The following GABRG3 variants were observed in gnomAD, a reference collection of about 807,000 sequenced individuals.
GABRG3 encodes the protein gamma-aminobutyric acid receptor subunit gamma-3.
GABRG3 carries 25 observed loss-of-function variants against 48.8 expected under a neutral mutation model. The observed-to-expected ratio is 0.51, with a 90% CI of 0.37 to 0.72. The LOEUF is 0.72. Ranked by LOEUF, GABRG3 falls within the 30% of genes least tolerant of loss-of-function variation. The pLI, the probability that GABRG3 is intolerant of heterozygous loss-of-function variation, is 0.00. For missense variants in GABRG3, 394 were observed against 577.9 expected, an observed-to-expected ratio of 0.68 and a Z score of 3.26; for synonymous variants, 227 against 217.6, an observed-to-expected ratio of 1.04 and a Z score of -0.38.
chr15:27,234,909 C>T (rs528984093), intron 3 of GABRG3, among the ~76,000 whole-genome samples: 41 of 152,148 alleles, frequency 2.7e-4, no homozygotes, highest in African/African-American at 9.2e-4. Context: ...AGGTACCCAG[C>T]GTGAGGGAAA....
At chr15:27,185,987 ATCTG>A (rs1020245059) in intron 3 of GABRG3, among the ~76,000 whole-genome samples, 4 of 149,548 alleles carry the variant, frequency 2.7e-5, no homozygotes, top group East Asian at 2.0e-4. Context: ...GGTTTTTAAA[ATCTG>A]TCTTTTAAAT....
At chr15:27,220,880 T>C (rs1889430812) in intron 3 of GABRG3, among the ~76,000 whole-genome samples, 1 of 152,186 alleles carries the variant, frequency 6.6e-6, no homozygotes, top group South Asian at 2.1e-4. Flanking sequence ...TTTCATCATC[T>C]TCATTAGCTG....
chr15:27,427,128 G>T (rs1204838761), intron 5 of GABRG3, among the ~76,000 whole-genome samples: 2 of 152,148 alleles, frequency 1.3e-5, no homozygotes, highest in Admixed American at 6.5e-5. Context: ...TAGGATTTAT[G>T]ATGGTGTTAT....
chr15:27,088,328 C>T (rs993534936), intron 3 of GABRG3, among the ~76,000 whole-genome samples: 1 of 151,804 alleles, frequency 6.6e-6, no homozygotes, highest in South Asian at 2.1e-4. Flanking sequence ...CTCGTCCTGG[C>T]GCCTCCAGGG....
rs544711757 is a variant in GABRG3, at chr15:27,189,270, C to A, written c.271-137539C>A. ...TTTTTTCCAATTCTGTGAAGAAAGTCATTGGCAGCTTGATGGGGATGGCAT... is the reference window on the plus strand; with the variant it reads ...TTTTTTCCAATTCTGTGAAGAAAGTAATTGGCAGCTTGATGGGGATGGCAT... On this transcript the variant is annotated intron_variant, in intron 3 of 9. Transcript: ENST00000615808. 1.6e-4 allele frequency among the ~76,000 whole-genome samples: 25 copies of A among 152,016 alleles called. 1 individual carries two copies. In the East Asian group the frequency reaches 4.6e-3, roughly 28 times the overall value.
At chr15:27,308,405 CATAT>C (rs377436608) in intron 3 of GABRG3, among the ~76,000 whole-genome samples, 1 of 142,958 alleles carries the variant, frequency 7.0e-6, no homozygotes, top group African/African-American at 2.5e-5. Flanking sequence ...ATAATATAAA[CATAT>C]ATAAACATGT....
At chr15:27,452,150 G>A (rs949257506) in intron 5 of GABRG3, among the ~76,000 whole-genome samples, 9 of 152,210 alleles carry the variant, frequency 5.9e-5, no homozygotes, top group African/African-American at 1.2e-4. Flanking sequence ...ACTAATTGTC[G>A]GGGAAATGCA....
intron 6 of GABRG3, among the ~76,000 whole-genome samples, chr15:27,485,538 A>T (rs74006961): frequency 0.052 from 7,951 of 152,096 alleles, 688 homozygotes; most frequent in African/African-American, 0.18. Context: ...AATAGACTGA[A>T]AAACCTGTTA....
At chr15:27,278,599 C>T (rs183824583) in intron 3 of GABRG3, among the ~76,000 whole-genome samples, 56 of 152,290 alleles carry the variant, frequency 3.7e-4, no homozygotes, top group African/African-American at 1.3e-3. Flanking sequence ...ATTCCCTTGA[C>T]ATCTCTCCAA....
chr15:27,105,633 A>G lies in GABRG3; in HGVS notation c.270+78812A>G. Among the ~76,000 whole-genome samples the G allele has an allele frequency of 1.3e-5, 2 of 152,194 alleles. 1 individual carries two copies. Among genetic ancestry groups the G allele is most frequent in the East Asian group, 3.9e-4 (2 of 5,118 alleles). On this transcript the variant is annotated intron_variant, in intron 3 of 9. Transcript: ENST00000615808. ...ATGGCGGTTATCAAAAAGCCAAAAG[A>G]CAACAAAAGACAACAAATATTGGTG...
intron 3 of GABRG3, among the ~76,000 whole-genome samples, chr15:27,052,478 A>G (rs894787547): frequency 3.3e-5 from 5 of 152,172 alleles, no homozygotes; most frequent in Non-Finnish European, 7.3e-5. Context: ...ATCTAAGCAT[A>G]AGGCCCTTCA....
chr15:27,482,421 G>T (rs1890122305), intron 6 of GABRG3, among the ~76,000 whole-genome samples: 1 of 152,172 alleles, frequency 6.6e-6, no homozygotes, highest in Non-Finnish European at 1.5e-5. Flanking sequence ...CAATTCAAGT[G>T]TCAACAGTTC....
chr15:27,407,055 G>A (rs1470201169), intron 5 of GABRG3, among the ~76,000 whole-genome samples: 1 of 152,082 alleles, frequency 6.6e-6, no homozygotes, highest in East Asian at 1.9e-4. Flanking sequence ...ACCCTCGGGA[G>A]TAGCTGCGAT....
chr15:27,116,294 G>A (rs372416489), intron 3 of GABRG3, among the ~76,000 whole-genome samples: 8 of 152,196 alleles, frequency 5.3e-5, no homozygotes, highest in Admixed American at 4.6e-4. Flanking sequence ...GTCAAAGAGA[G>A]AGTTTTTGTC....
chr15:27,173,705 CAAAAAAAAA>C (rs199674664), intron 3 of GABRG3, among the ~76,000 whole-genome samples: 1 of 73,352 alleles, frequency 1.4e-5, no homozygotes. Flanking sequence ...CTATCGCTGC[CAAAAAAAAA>C]AAAAAAAAAA....
chr15:27,462,807 C>G (rs996050319), intron 5 of GABRG3, among the ~76,000 whole-genome samples: 1 of 151,956 alleles, frequency 6.6e-6, no homozygotes, highest in Non-Finnish European at 1.5e-5. Context: ...AGAAAGATGA[C>G]AATAATGCAA....
Position 27,306,430 on chromosome 15 carries a change from TATA to T in GABRG3, c.271-20375_271-20373del, listed in dbSNP as rs200705351. On this transcript the variant is annotated intron_variant, in intron 3 of 9. Coordinates refer to ENST00000615808, the MANE Select transcript of GABRG3 (RefSeq NM_033223.5). ...ATATAAACATGTCTACATGTAAACA[TATA>T]ATACGAACATATGTCTACATATAAA... Among the ~76,000 whole-genome samples, 994 of 138,178 alleles carry T rather than the reference TATA, an allele frequency of 7.2e-3. 47 individuals are homozygous for T. The highest frequency in any genetic ancestry group is 0.059 in the East Asian group (269 of 4,522). 90.7% of individuals were successfully genotyped at this position (138,178 alleles called of 152,430 possible).
chr15:27,435,350 C>T lies in GABRG3; in HGVS notation c.575-45300C>T, dbSNP rs74319913. Among the ~76,000 whole-genome samples the T allele has an allele frequency of 3.8e-3, 574 of 151,776 alleles. 5 individuals carry two copies. The highest frequency in any genetic ancestry group is 8.3e-3 in the South Asian group (40 of 4,794). ...TTTACTTTTTTAAGCCGTTTTGGGC[C>T]GTATGGTCTCTCTTGCAACTACTGA... On this transcript the variant is annotated intron_variant, in intron 5 of 9. Transcript: ENST00000615808.
intron 3 of GABRG3, among the ~76,000 whole-genome samples, chr15:27,040,051 C>T (rs1054409694): frequency 2.6e-5 from 4 of 152,268 alleles, no homozygotes; most frequent in South Asian, 2.1e-4. Context: ...TGGCCTGGGC[C>T]GCTGCCCTTC....
Sources: gnomAD v4.1 joint callset for allele counts (sites outside exome capture counted in the v4.1 genomes callset) on GRCh38, gnomAD v4.1.1 for gene constraint, MANE v1.5 for transcripts, NCBI Gene and HGNC (gene_info 2026-07-23, HGNC 2026-07-21) for gene names.